The following GRM1 variants were observed in gnomAD, a reference collection of about 807,000 sequenced individuals.
GRM1 encodes the protein metabotropic glutamate receptor 1.
Under a neutral mutation model 90.9 loss-of-function variants are expected in GRM1, and 33 were observed. The observed-to-expected ratio is 0.36, with a 90% confidence interval of 0.28 to 0.49. The LOEUF (loss-of-function observed/expected upper bound fraction) is 0.49. Ranked by LOEUF, GRM1 falls within the 20% of genes least tolerant of loss-of-function variation. GRM1 has a pLI of 0.99. For missense variants in GRM1, 1,190 were observed against 1,534.3 expected (o/e 0.78, Z 3.75); for synonymous variants, 700 against 613.2 (o/e 1.14, Z -2.09).
intron 1 of GRM1, among the ~76,000 whole-genome samples, chr6:146,031,508 C>T (rs1030572085): frequency 6.6e-6 from 1 of 151,952 alleles, no homozygotes; most frequent in Non-Finnish European, 1.5e-5. Context: ...ATAAAGGGAA[C>T]AGAATTTTCA....
At chr6:146,276,221 A>G (rs114330965) in intron 2 of GRM1, among the ~76,000 whole-genome samples, 1,540 of 152,314 alleles carry the variant, frequency 0.01, 21 homozygotes, top group African/African-American at 0.036. Context: ...TGAAAAGAAT[A>G]TTAGAATAGG....
At chr6:146,041,889 C>T (rs1791123823) in intron 1 of GRM1, among the ~76,000 whole-genome samples, 1 of 151,910 alleles carries the variant, frequency 6.6e-6, no homozygotes, top group African/African-American at 2.4e-5. Context: ...TATTCTCTCA[C>T]AGTTTTGGAG....
intron 1 of GRM1, among the ~76,000 whole-genome samples, chr6:146,154,529 A>G (rs1777451578): frequency 6.6e-6 from 1 of 152,184 alleles, no homozygotes; most frequent in Non-Finnish European, 1.5e-5. Flanking sequence ...GGACTGAATT[A>G]GGTTACTGAA....
At chr6:146,238,145 A>T (rs1189220193) in intron 2 of GRM1, among the ~76,000 whole-genome samples, 1 of 152,274 alleles carries the variant, frequency 6.6e-6, no homozygotes, top group South Asian at 2.1e-4. Flanking sequence ...AAAACGAAAA[A>T]CACAACGTAG....
intron 2 of GRM1, among the ~76,000 whole-genome samples, chr6:146,288,796 G>GC (rs1465939736): frequency 9.9e-5 from 15 of 152,106 alleles, no homozygotes; most frequent in African/African-American, 3.6e-4. Context: ...GTGAGCCATC[G>GC]CGCGGGGCCA....
chr6:146,251,315 A>G (rs1382514248), intron 2 of GRM1, among the ~76,000 whole-genome samples: 1 of 152,176 alleles, frequency 6.6e-6, no homozygotes, highest in East Asian at 1.9e-4. Flanking sequence ...CTAAAGCTTC[A>G]TCAGAAAAAT....
chr6:146,256,317 G>A (rs1008016356), intron 2 of GRM1, among the ~76,000 whole-genome samples: 4 of 152,106 alleles, frequency 2.6e-5, no homozygotes, highest in East Asian at 1.9e-4. Context: ...TTTCCCACCA[G>A]GGAAACAGAG....
rs1415098914 is a variant in GRM1 at position 146,399,753 on chromosome 6, C to T, written c.2660+54C>T. 2 of 312,798 alleles carry T rather than the reference C, an allele frequency of 6.4e-6. No homozygotes were observed. Among genetic ancestry groups the T allele is most frequent in the East Asian group, 4.8e-4 (2 of 4,162 alleles). The allele number at this position is 312,798 out of a possible 1,614,324, so 19.4% of individuals were successfully genotyped here. On this transcript the variant is annotated intron_variant, in intron 7 of 7. Transcript: ENST00000282753. The surrounding 1 kb of genome is among the most constrained non-coding windows in gnomAD (Gnocchi z 5.4). ...TTTCTCTTCCTTTCTCTGTCTCTTT[C>T]TCTCTCTCTCTCTCTCTCTCTTTCT...
intron 2 of GRM1, among the ~76,000 whole-genome samples, chr6:146,228,942 C>A (rs1004174322): frequency 6.6e-6 from 1 of 152,078 alleles, no homozygotes; most frequent in Non-Finnish European, 1.5e-5. Flanking sequence ...TTTATAGTTT[C>A]TGTCTGCCAA....
At position 146,392,726 on chromosome 6, in the gene GRM1, C is replaced by T. The variant is rs1242189873; in HGVS notation, c.1729+5710C>T. On this transcript the variant is annotated intron_variant, in intron 6 of 7. Coordinates refer to ENST00000282753, the MANE Select transcript of GRM1 (RefSeq NM_001278064.2). ...ACAGTCTCTGGCGTATGATGTTCCC[C>T]TCGCTATGCCCATATGTTCTCATTG... Among the ~76,000 whole-genome samples, 2 of 152,246 alleles carry T rather than the reference C, an allele frequency of 1.3e-5. 1 individual carries two copies. The highest frequency in any genetic ancestry group is 4.1e-4 in the South Asian group (2 of 4,826).
chr6:146,364,653 A>G (rs1226081285), intron 5 of GRM1, among the ~76,000 whole-genome samples: 1 of 152,152 alleles, frequency 6.6e-6, no homozygotes, highest in Non-Finnish European at 1.5e-5. Flanking sequence ...TTTGAAACAT[A>G]AAAGAAAATA....
chr6:146,219,331 C>T (rs545900237), intron 2 of GRM1, among the ~76,000 whole-genome samples: 1 of 152,230 alleles, frequency 6.6e-6, no homozygotes, highest in East Asian at 1.9e-4. Context: ...TTGATAAAGC[C>T]ACCAGGGGGT....
intron 1 of GRM1, among the ~76,000 whole-genome samples, chr6:146,099,422 G>A (rs577570805): frequency 6.6e-6 from 1 of 152,234 alleles, no homozygotes; most frequent in South Asian, 2.1e-4. Flanking sequence ...AGACCAAATA[G>A]AACATTTCAT....
intron 1 of GRM1, among the ~76,000 whole-genome samples, chr6:146,124,494 A>G (rs1273397874): frequency 6.6e-6 from 1 of 152,158 alleles, no homozygotes; most frequent in Non-Finnish European, 1.5e-5. Context: ...GATCACTACA[A>G]TACATTAATA....
chr6:146,379,881 C>G (rs1431747231), intron 5 of GRM1, among the ~76,000 whole-genome samples: 1 of 151,890 alleles, frequency 6.6e-6, no homozygotes, highest in Admixed American at 6.6e-5. Context: ...TCTGGGTTAC[C>G]AGAGACTCTT....
chr6:146,386,790 CT>C (rs1776522600), intron 5 of GRM1, 99 bp from the exon 6 acceptor site: 18 of 873,514 alleles, frequency 2.1e-5, no homozygotes, highest in Non-Finnish European at 3.2e-5. Flanking sequence ...CATAGTTAGT[CT>C]TTTTTTCTTT....
chr6:146,204,041 CTTA>C (rs1334324683), intron 2 of GRM1, among the ~76,000 whole-genome samples: 1 of 152,092 alleles, frequency 6.6e-6, no homozygotes, highest in Non-Finnish European at 1.5e-5. Context: ...ATATAATGTT[CTTA>C]TTGAGTGTTA....
chr6:146,420,815 A>G (rs996273267), intron 7 of GRM1, among the ~76,000 whole-genome samples: 4 of 152,186 alleles, frequency 2.6e-5, no homozygotes, highest in Non-Finnish European at 5.9e-5. Flanking sequence ...ATGATGAGGG[A>G]AAGTTCTTTG....
intron 2 of GRM1, among the ~76,000 whole-genome samples, chr6:146,244,721 C>G (rs2114743842): frequency 6.6e-6 from 1 of 152,282 alleles, no homozygotes; most frequent in African/African-American, 2.4e-5. Flanking sequence ...TGTCAAACTC[C>G]TTGCTAGGTT....
Sources: allele counts gnomAD v4.1 joint callset (sites outside exome capture counted in the v4.1 genomes callset), GRCh38; gene constraint gnomAD v4.1.1; non-coding constraint Gnocchi (gnomAD v3.1); transcripts MANE v1.5; gene names NCBI Gene and HGNC (gene_info 2026-07-23, HGNC 2026-07-21).